The following HMGXB3 variants were observed in gnomAD, a reference collection of about 807,000 sequenced individuals.
The protein encoded by HMGXB3 is HMG domain-containing protein 3.
A neutral mutation model predicts 121.5 loss-of-function variants in HMGXB3; 45 were observed. That is an observed-to-expected ratio of 0.37 (90% confidence interval 0.29 to 0.47). The LOEUF (loss-of-function observed/expected upper bound fraction) is 0.47, where lower values mean the gene tolerates loss of function less well. Ranked by LOEUF, HMGXB3 falls within the 20% of genes least tolerant of loss-of-function variation. The pLI is 0.99. For synonymous variants in HMGXB3, 590 were observed against 624.1 expected (o/e 0.95, Z 0.81); for missense variants, 1,376 against 1,602.2 (o/e 0.86, Z 2.41).
chr5:150,022,669 G>A (rs552782146), intron 6 of HMGXB3, among the ~76,000 whole-genome samples: 1 of 152,180 alleles, frequency 6.6e-6, no homozygotes, highest in African/African-American at 2.4e-5. Flanking sequence ...CTGTTTTTCT[G>A]CTAAATTTTC....
chr5:150,045,791 G>A (rs955497777), intron 16 of HMGXB3, 106 bp downstream of exon 16: 15 of 789,536 alleles, frequency 1.9e-5, no homozygotes, highest in East Asian at 1.9e-4. Flanking sequence ...GCCAGGCCCC[G>A]CTGCAGGACT....
intron 3 of HMGXB3, among the ~76,000 whole-genome samples, chr5:150,007,061 G>A (rs567624395): frequency 6.6e-6 from 1 of 152,310 alleles, no homozygotes; most frequent in African/African-American, 2.4e-5. Flanking sequence ...TTATAATCAG[G>A]AATAAGGTTT....
At chr5:150,002,176 T>G (rs1303842039) in intron 1 of HMGXB3, among the ~76,000 whole-genome samples, 3 of 152,220 alleles carry the variant, frequency 2.0e-5, no homozygotes, top group African/African-American at 7.2e-5. Context: ...GTGCTTTACC[T>G]GGGGTATATC....
intron 13 of HMGXB3, 43 bp from the exon 14 acceptor site, chr5:150,040,705 G>A (rs1308423868): frequency 6.5e-7 from 1 of 1,542,224 alleles, no homozygotes; most frequent in East Asian, 2.5e-5. Context: ...TTGCCATTGT[G>A]TATGATACAT....
Position 150,012,251 on chromosome 5 carries a change from A to G in HMGXB3, c.811-4A>G, listed in dbSNP as rs1040269646. 3.9e-6 allele frequency: 6 copies of G among 1,549,172 alleles called. No homozygotes were observed. The highest frequency in any genetic ancestry group is 3.9e-5 in the Admixed American group (2 of 50,988). On this transcript the variant is annotated splice_region_variant and splice_polypyrimidine_tract_variant and intron_variant, in intron 4 of 19. Transcript: ENST00000502717. ...GAAACTGTCCTTCTCTTCATTGCCC[A>G]TAGGATTCCAGTGAGAGTAGCTCCT...
rs1360264861 is a variant in HMGXB3, at chr5:150,051,992, C to T, written c.3679C>T (p.His1227Tyr). ...GCCCATTGCCTTCGACAATGCCACT[C>T]ACTATTACCTCTACAACCGCCTCAT... ...QRPIAFDNAT[H>Y]YYLYNRLMDF... Residue 1227 changes from histidine (H) to tyrosine (Y), a missense_variant, in exon 20 of 20, where the codon CAC becomes TAC. Around this residue, in one of 2 missense-constraint regions of HMGXB3, gnomAD observed 260 missense variants for 233.2 expected, o/e 1.11. Coordinates refer to ENST00000502717, the MANE Select transcript of HMGXB3 (RefSeq NM_014983.3). The T allele has an allele frequency of 2.6e-6, 4 of 1,552,180 alleles. No homozygotes were observed. The highest frequency in any genetic ancestry group is 1.4e-5 in the African/African-American group (1 of 73,176).
At chr5:150,024,769 A>G in intron 7 of HMGXB3, 89 bp downstream of exon 7, 2 of 1,099,372 alleles carry the variant, frequency 1.8e-6, no homozygotes, top group Non-Finnish European at 2.5e-6. Context: ...TGAGAGAGGC[A>G]GCAGAGACCA....
In HMGXB3 at chr5:150,051,865, C is replaced by T; in HGVS notation, c.3552C>T (p.Pro1184=). 6 of 1,551,172 alleles carry T rather than the reference C, an allele frequency of 3.9e-6. No individual in the cohort carries two copies. Among genetic ancestry groups the T allele is most frequent in the South Asian group, 1.2e-5 (1 of 84,068 alleles). ...HAGLQPNPGD[P]SAGHHSLALC... is the part of the protein sequence containing the mutation. ...GCCTACAGCCCAATCCTGGTGACCCCAGTGCTGGGCACCACTCCTTGGCCC... is the reference window on the plus strand; with the variant it reads ...GCCTACAGCCCAATCCTGGTGACCCTAGTGCTGGGCACCACTCCTTGGCCC... The change falls in exon 20 of 20, where the codon CCC becomes CCT. Residue 1184 remains proline, a synonymous_variant. Coordinates refer to ENST00000502717, the MANE Select transcript of HMGXB3 (RefSeq NM_014983.3).
At chr5:150,040,671 C>G (rs1756608774) in intron 13 of HMGXB3, 77 bp from the exon 14 acceptor site, 1 of 1,448,194 alleles carries the variant, frequency 6.9e-7, no homozygotes, top group African/African-American at 1.4e-5. Flanking sequence ...TGCCACCGCA[C>G]CCAGCTGGTG....
At position 150,030,810 on chromosome 5, in the gene HMGXB3, C is replaced by G. The variant is rs2113748710; in HGVS notation, c.1804C>G (p.Pro602Ala). 1 of 1,551,996 alleles carries G rather than the reference C, an allele frequency of 6.4e-7. No homozygotes were observed. Among genetic ancestry groups the G allele is most frequent in the East Asian group, 2.4e-5 (1 of 40,926 alleles). ...GGAGGTCAAGCCCGATATGTTTCCT[C>G]CATATAAGTACAGCTGCACTGTCAC... ...VVEVKPDMFP[P>A]YKYSCTVTLD... is the part of the protein sequence containing the mutation. The change falls in exon 10 of 20, where the codon CCA becomes GCA. Residue 602 changes from proline (P) to alanine (A), a missense_variant. Pro to Ala is a conservative substitution (Grantham distance 27). Transcript: ENST00000502717.
intron 18 of HMGXB3, among the ~76,000 whole-genome samples, chr5:150,049,416 C>CG (rs978983588): frequency 6.6e-6 from 1 of 151,692 alleles, no homozygotes; most frequent in African/African-American, 2.4e-5. Flanking sequence ...GGAAACCCCC[C>CG]CCCTTAACAG....
At chr5:150,015,582 C>T (rs1755941641) in intron 5 of HMGXB3, among the ~76,000 whole-genome samples, 1 of 152,194 alleles carries the variant, frequency 6.6e-6, no homozygotes, top group African/African-American at 2.4e-5. Flanking sequence ...AGCCACCGTG[C>T]CCAGCTCTTT....
At chr5:150,038,252 G>A (rs1756544620) in intron 13 of HMGXB3, among the ~76,000 whole-genome samples, 1 of 152,184 alleles carries the variant, frequency 6.6e-6, no homozygotes, top group Admixed American at 6.5e-5. Context: ...ATTGAGTGCT[G>A]AAGATGAAAG....
chr5:150,001,942 A>T (rs1755580691), intron 1 of HMGXB3, among the ~76,000 whole-genome samples: 1 of 152,222 alleles, frequency 6.6e-6, no homozygotes, highest in Admixed American at 6.5e-5. Flanking sequence ...AAAAAAGCGC[A>T]GTCCCCACGT....
chr5:150,020,416 C>A (rs1756061444), intron 6 of HMGXB3, among the ~76,000 whole-genome samples: 1 of 152,192 alleles, frequency 6.6e-6, no homozygotes, highest in Non-Finnish European at 1.5e-5. Flanking sequence ...CCTTTCTTGA[C>A]CAATGCGAAA....
chr5:150,038,360 ATT>A (rs1247940858), intron 13 of HMGXB3, among the ~76,000 whole-genome samples: 5 of 152,206 alleles, frequency 3.3e-5, no homozygotes, highest in Admixed American at 1.3e-4. Context: ...AGTTTGTACT[ATT>A]TTATGCTCTT....
At chr5:150,023,286 T>C (rs1354011431) in intron 6 of HMGXB3, among the ~76,000 whole-genome samples, 1 of 152,156 alleles carries the variant, frequency 6.6e-6, no homozygotes, top group East Asian at 1.9e-4. Context: ...CTACACACTA[T>C]AGAATTAGGT....
At chr5:150,010,005 A>AG in intron 3 of HMGXB3, 106 bp from the exon 4 acceptor site, 1 of 1,239,974 alleles carries the variant, frequency 8.1e-7, no homozygotes, top group Non-Finnish European at 1.1e-6. Flanking sequence ...TCCCTTTTGC[A>AG]GGAAAAAAAA....
intron 6 of HMGXB3, among the ~76,000 whole-genome samples, chr5:150,022,647 G>A (rs7704045): frequency 0.047 from 7,202 of 152,114 alleles, 582 homozygotes; most frequent in African/African-American, 0.17. Context: ...CTCAAAAAAT[G>A]AGTTTAGTCT....
Sources: allele counts gnomAD v4.1 joint callset (sites outside exome capture counted in the v4.1 genomes callset), GRCh38; gene constraint gnomAD v4.1.1; regional missense constraint gnomAD v4.1.1; transcripts MANE v1.5; gene names NCBI Gene and HGNC (gene_info 2026-07-23, HGNC 2026-07-21).